The following ZSWIM6 variants were observed in gnomAD, a reference collection of about 807,000 sequenced individuals.
The protein encoded by ZSWIM6 is zinc finger SWIM-type containing 6.
In ZSWIM6, 9 loss-of-function variants were observed where a neutral mutation model predicts 113.2. That is an observed-to-expected ratio of 0.08 (90% CI 0.05 to 0.14). The LOEUF is 0.14. Among genes scored for constraint, ZSWIM6 ranks in the 10% least tolerant of loss-of-function variants. The pLI, the probability that ZSWIM6 is intolerant of heterozygous loss-of-function variation, is 1.00. For synonymous variants in ZSWIM6, 611 were observed against 606.5 expected (o/e 1.01, Z -0.11); for missense variants, 1,162 against 1,552.2 (o/e 0.75, Z 4.22).
chr5:61,338,512 A>C (rs549470123), intron 1 of ZSWIM6, among the ~76,000 whole-genome samples: 7 of 152,272 alleles, frequency 4.6e-5, no homozygotes, highest in African/African-American at 1.7e-4. Context: ...TGATTTATGT[A>C]AGTGATTTTT....
intron 1 of ZSWIM6, among the ~76,000 whole-genome samples, chr5:61,454,580 T>G (rs1311517623): frequency 2.7e-5 from 4 of 150,596 alleles, no homozygotes; most frequent in Non-Finnish European, 5.9e-5. Flanking sequence ...TTTTTTTTTT[T>G]TTTTTTCTTT....
intron 1 of ZSWIM6, among the ~76,000 whole-genome samples, chr5:61,452,598 A>C (rs1466007795): frequency 6.6e-6 from 1 of 152,190 alleles, no homozygotes; most frequent in Non-Finnish European, 1.5e-5. Flanking sequence ...GTATTTTGAA[A>C]TAATTTCAGA....
chr5:61,440,445 A>G (rs1252341530), intron 1 of ZSWIM6, among the ~76,000 whole-genome samples: 1 of 151,636 alleles, frequency 6.6e-6, no homozygotes, highest in African/African-American at 2.4e-5. Context: ...AGATTAAAAG[A>G]GTTAGTGGAT....
intron 1 of ZSWIM6, chr5:61,391,413 C>T (rs1304336089): frequency 5.1e-6 from 5 of 972,500 alleles, no homozygotes; most frequent in Non-Finnish European, 8.4e-6. Flanking sequence ...GGTACTTCTT[C>T]ATGCTGCTGA....
At chr5:61,413,023 TTTA>T (rs1161094632) in intron 1 of ZSWIM6, among the ~76,000 whole-genome samples, 10 of 151,618 alleles carry the variant, frequency 6.6e-5, no homozygotes, top group South Asian at 2.1e-4. Context: ...TTTTTTCTTT[TTTA>T]TTATTATTAT....
At chr5:61,463,381 A>T (rs1462495402) in intron 1 of ZSWIM6, among the ~76,000 whole-genome samples, 2 of 152,198 alleles carry the variant, frequency 1.3e-5, no homozygotes, top group East Asian at 3.9e-4. Context: ...GCTCAAATAT[A>T]TCTTGGCTAG....
intron 4 of ZSWIM6, among the ~76,000 whole-genome samples, chr5:61,504,328 A>G (rs1748545217): frequency 1.3e-5 from 2 of 152,192 alleles, no homozygotes; most frequent in Admixed American, 6.5e-5. Context: ...TGCTGCAGGT[A>G]ATCTATTGCA....
At position 61,460,405 on chromosome 5, in the gene ZSWIM6, G is replaced by A. The variant is rs551976848; in HGVS notation, c.677-12276G>A. On this transcript the variant is annotated intron_variant, in intron 1 of 13. Transcript: ENST00000252744. ...CTGTTACTGTATGAGTTCTTACAGC[G>A]GTTACCATTTTCATGTGCTTTTGAA... Among the ~76,000 whole-genome samples the A allele has an allele frequency of 4.5e-4, 68 of 152,102 alleles. No individual in the cohort carries two copies. The South Asian group carries it at 0.012, about 27-fold the overall frequency.
chr5:61,411,924 A>G (rs1407223276), intron 1 of ZSWIM6, among the ~76,000 whole-genome samples: 1 of 152,178 alleles, frequency 6.6e-6, no homozygotes, highest in Non-Finnish European at 1.5e-5. Context: ...ATGCATTTTC[A>G]TTTTCATTCA....
Position 61,482,485 on chromosome 5 carries a change from TA to T in ZSWIM6, c.1034-8296del, listed in dbSNP as rs1279475688. Among the ~76,000 whole-genome samples the T allele has an allele frequency of 2.0e-5, 3 of 152,268 alleles. No individual in the cohort carries two copies. In the East Asian group the frequency reaches 5.8e-4, roughly 29 times the overall value. On this transcript the variant is annotated intron_variant, in intron 2 of 13. Coordinates refer to ENST00000252744, the MANE Select transcript of ZSWIM6 (RefSeq NM_020928.2). ...TGCACATGTATTCCAGAACTTACAG[TA>T]AAAATAAATAAATAGTTAAAACTTA...
chr5:61,537,671 G>T (rs34195965), intron 10 of ZSWIM6, among the ~76,000 whole-genome samples: 1 of 152,138 alleles, frequency 6.6e-6, no homozygotes, highest in Non-Finnish European at 1.5e-5. Flanking sequence ...AAGGAGAAGA[G>T]AATGAGCCAT....
chr5:61,533,483 A>C (rs1444847571), intron 9 of ZSWIM6, among the ~76,000 whole-genome samples: 1 of 152,228 alleles, frequency 6.6e-6, no homozygotes, highest in Non-Finnish European at 1.5e-5. Context: ...ACCTCTGGGG[A>C]AACTTGGTGC....
chr5:61,367,159 G>C (rs1052426083), intron 1 of ZSWIM6, among the ~76,000 whole-genome samples: 1 of 152,200 alleles, frequency 6.6e-6, no homozygotes, highest in East Asian at 1.9e-4. Context: ...TGATCCCTAA[G>C]CGTGAGCCAG....
chr5:61,499,942 A>G lies in ZSWIM6; in HGVS notation c.1333+5532A>G, dbSNP rs527762508. Among the ~76,000 whole-genome samples the G allele has an allele frequency of 2.6e-5, 4 of 152,220 alleles. No homozygotes were observed. The East Asian group carries it at 7.7e-4, about 29-fold the overall frequency. On this transcript the variant is annotated intron_variant, in intron 4 of 13. Transcript: ENST00000252744. ...ATTTAATCCCTGAAACAATCCTGTG[A>G]AATAGGTCCAATTATTTGCCCTCAT...
intron 1 of ZSWIM6, among the ~76,000 whole-genome samples, chr5:61,383,535 A>C (rs941516394): frequency 1.4e-4 from 22 of 151,986 alleles, no homozygotes; most frequent in Admixed American, 4.6e-4. Flanking sequence ...ATGTAGAAGA[A>C]CTTTCTCTTT....
At chr5:61,396,272 G>A (rs942969119) in intron 1 of ZSWIM6, among the ~76,000 whole-genome samples, 5 of 151,974 alleles carry the variant, frequency 3.3e-5, no homozygotes, top group Admixed American at 2.6e-4. Flanking sequence ...AGTGGCTCAC[G>A]CCTGTAATCC....
chr5:61,371,107 T>G (rs1304293993), intron 1 of ZSWIM6, among the ~76,000 whole-genome samples: 1 of 152,220 alleles, frequency 6.6e-6, no homozygotes, highest in East Asian at 1.9e-4. Context: ...GAGTGGAATA[T>G]TTTTTATTTT....
At chr5:61,422,931 T>C (rs911277436) in intron 1 of ZSWIM6, among the ~76,000 whole-genome samples, 4 of 152,230 alleles carry the variant, frequency 2.6e-5, no homozygotes, top group Admixed American at 2.0e-4. Context: ...TAAATATGTT[T>C]ATCAGAACAA....
At chr5:61,346,169 C>T (rs1404850321) in intron 1 of ZSWIM6, among the ~76,000 whole-genome samples, 3 of 151,988 alleles carry the variant, frequency 2.0e-5, no homozygotes, top group African/African-American at 4.8e-5. Context: ...AGGCTGGTCT[C>T]GAACTCCTGA....
Sources: gnomAD v4.1 joint callset for allele counts (sites outside exome capture counted in the v4.1 genomes callset) on GRCh38, gnomAD v4.1.1 for gene constraint, MANE v1.5 for transcripts, NCBI Gene and HGNC (gene_info 2026-07-23, HGNC 2026-07-21) for gene names.